The following RARB variants were observed in gnomAD, a reference collection of about 807,000 sequenced individuals.
RARB encodes the protein HBV-activated protein.
In RARB, 17 loss-of-function variants were observed where a neutral mutation model predicts 51.9. The observed-to-expected ratio is 0.33, with a 90% CI of 0.22 to 0.49. The LOEUF (loss-of-function observed/expected upper bound fraction) is 0.49. RARB is among the 20% of genes least tolerant of loss of function. The pLI is 0.99. For missense variants in RARB, 369 were observed against 550.8 expected (o/e 0.67, Z 3.30); for synonymous variants, 215 against 195.4 (o/e 1.10, Z -0.84).
At chr3:25,419,044 A>ATTTTTTT (rs35494234) in intron 5 of RARB, among the ~76,000 whole-genome samples, 1 of 151,014 alleles carries the variant, frequency 6.6e-6, no homozygotes, top group Non-Finnish European at 1.5e-5. Flanking sequence ...AAGCCTGTGT[A>ATTTTTTT]TTTTTTTTGC....
chr3:25,069,100 G>T (rs541685420), intron 3 of RARB, among the ~76,000 whole-genome samples: 1 of 152,086 alleles, frequency 6.6e-6, no homozygotes, highest in African/African-American at 2.4e-5. Flanking sequence ...AAGAGCAGTT[G>T]TCAGACAAAT....
chr3:25,513,058 T>C lies in RARB; in HGVS notation c.448+11735T>C, dbSNP rs1205694445. On this transcript the variant is annotated intron_variant, in intron 3 of 7. Transcript: ENST00000330688. ...TAATCCCAGCACTTTGGGAGGTGGA[T>C]CACGAGGTCAGGAGATTGAGACCAT... is the stretch of plus-strand genomic sequence containing the variant. Among the ~76,000 whole-genome samples, 3 of 145,230 alleles carry C rather than the reference T, an allele frequency of 2.1e-5. No individual in the cohort carries two copies. In the East Asian group the frequency reaches 6.1e-4, roughly 29 times the overall value.
chr3:25,355,265 G>A (rs1052592139), intron 5 of RARB, among the ~76,000 whole-genome samples: 2 of 152,026 alleles, frequency 1.3e-5, no homozygotes, highest in African/African-American at 2.4e-5. Flanking sequence ...CCACCATCGG[G>A]CTGGTTGTTG....
chr3:25,454,048 C>A (rs1290476526), intron 1 of RARB, among the ~76,000 whole-genome samples: 1 of 152,232 alleles, frequency 6.6e-6, no homozygotes, highest in Non-Finnish European at 1.5e-5. Context: ...TGATTAAAAG[C>A]AGATCCTCTC....
chr3:25,271,202 A>G (rs537954761), intron 5 of RARB, among the ~76,000 whole-genome samples: 1 of 152,336 alleles, frequency 6.6e-6, no homozygotes, highest in East Asian at 1.9e-4. Flanking sequence ...TTTTATTAGT[A>G]TAAATCAAGA....
intron 5 of RARB, among the ~76,000 whole-genome samples, chr3:25,177,375 A>G (rs1164206888): frequency 6.6e-6 from 1 of 152,232 alleles, no homozygotes; most frequent in African/African-American, 2.4e-5. Context: ...AATAACTAGC[A>G]ACACACATAC....
chr3:24,870,091 A>G (rs1702920076), intron 2 of RARB, among the ~76,000 whole-genome samples: 1 of 152,082 alleles, frequency 6.6e-6, no homozygotes, highest in Non-Finnish European at 1.5e-5. Context: ...AGTTCTTTGT[A>G]TATCCTGGAG....
intron 2 of RARB, among the ~76,000 whole-genome samples, chr3:24,863,023 A>G (rs1367210487): frequency 2.0e-5 from 3 of 152,212 alleles, no homozygotes; most frequent in African/African-American, 7.2e-5. Flanking sequence ...ATGTGGGGAA[A>G]GGCACAGAGG....
chr3:25,375,432 C>T (rs897498612), intron 5 of RARB, among the ~76,000 whole-genome samples: 1 of 152,136 alleles, frequency 6.6e-6, no homozygotes, highest in Non-Finnish European at 1.5e-5. Context: ...CAGTGGTTAC[C>T]ACCTTACTAA....
chr3:25,031,157 A>G (rs1424468527), intron 2 of RARB, among the ~76,000 whole-genome samples: 2 of 152,160 alleles, frequency 1.3e-5, no homozygotes, highest in East Asian at 3.9e-4. Flanking sequence ...ACCCTCGCCA[A>G]GTTGTGACAA....
chr3:25,475,297 T>G (rs745609482), intron 2 of RARB, among the ~76,000 whole-genome samples: 1 of 152,002 alleles, frequency 6.6e-6, no homozygotes, highest in South Asian at 2.1e-4. Context: ...ACGTACACTA[T>G]CAGAAATATG....
At chr3:25,239,019 GC>G in intron 5 of RARB, among the ~76,000 whole-genome samples, 1 of 152,096 alleles carries the variant, frequency 6.6e-6, no homozygotes, top group Non-Finnish European at 1.5e-5. Flanking sequence ...TAGGATGATA[GC>G]TCATTGTGGT....
intron 2 of RARB, among the ~76,000 whole-genome samples, chr3:25,030,268 A>G (rs1347459878): frequency 1.3e-5 from 2 of 152,260 alleles, no homozygotes; most frequent in African/African-American, 2.4e-5. Context: ...TAAAGCCAGC[A>G]GCGCTAGCTG....
intron 2 of RARB, among the ~76,000 whole-genome samples, chr3:24,950,847 G>A (rs1232038386): frequency 1.3e-5 from 2 of 152,100 alleles, no homozygotes; most frequent in East Asian, 1.9e-4. Context: ...TGGTCCCTGG[G>A]CCAGCACCAT....
chr3:25,496,416 A>G (rs968044822), intron 2 of RARB, among the ~76,000 whole-genome samples: 1 of 152,088 alleles, frequency 6.6e-6, no homozygotes, highest in African/African-American at 2.4e-5. Flanking sequence ...GAGTCCACCA[A>G]CTTGTCAGCT....
chr3:25,565,552 A>G (rs1700458479), intron 3 of RARB, among the ~76,000 whole-genome samples: 1 of 152,154 alleles, frequency 6.6e-6, no homozygotes, highest in Admixed American at 6.5e-5. Flanking sequence ...GATGGCACAT[A>G]GTAGATACTC....
chr3:25,210,218 T>A (rs1386143881), intron 5 of RARB, among the ~76,000 whole-genome samples: 1 of 152,176 alleles, frequency 6.6e-6, no homozygotes, highest in Non-Finnish European at 1.5e-5. Flanking sequence ...TGGTCTACAC[T>A]GGGTTAGTGA....
At chr3:25,185,621 A>T (rs967230991) in intron 5 of RARB, among the ~76,000 whole-genome samples, 5 of 151,932 alleles carry the variant, frequency 3.3e-5, no homozygotes, top group Non-Finnish European at 7.4e-5. Flanking sequence ...TTAGTAAATC[A>T]TTTTTTTTAT....
Position 24,937,937 on chromosome 3 carries a change from G to C in RARB, c.-380+79185G>C, listed in dbSNP as rs185662634. On this transcript the variant is annotated intron_variant, in intron 2 of 11. Coordinates refer to the RARB transcript ENST00000383772. ...GTGTTCTCTGAGCTAAATCTGAGGA[G>C]ACCGCACATGAGAAGGGTGACTGTA... 3.0e-3 allele frequency among the ~76,000 whole-genome samples: 452 copies of C among 152,232 alleles called. 3 individuals carry two copies. The highest frequency in any genetic ancestry group is 0.01 in the African/African-American group (433 of 41,530).
Sources: gnomAD v4.1 joint callset for allele counts (sites outside exome capture counted in the v4.1 genomes callset) on GRCh38, gnomAD v4.1.1 for gene constraint, MANE v1.5 for transcripts, NCBI Gene and HGNC (gene_info 2026-07-23, HGNC 2026-07-21) for gene names.